Variants in NINJ2 observed in about 807,000 individuals in gnomAD.
The protein encoded by NINJ2 is ninjurin-2.
Under a neutral mutation model 11.7 loss-of-function variants are expected in NINJ2, and 12 were observed. That is an observed-to-expected ratio of 1.02 (90% confidence interval 0.66 to 1.66). The LOEUF is 1.66. Among genes scored for constraint, NINJ2 ranks in the 40% most tolerant of loss-of-function variants. The pLI is 0.00. For missense variants in NINJ2, 187 were observed against 181.8 expected, an observed-to-expected ratio of 1.03 and a Z score of -0.16; for synonymous variants, 93 against 76.8, an observed-to-expected ratio of 1.21 and a Z score of -1.10.
chr12:631,279 C>G (rs535554356), intron 1 of NINJ2, among the ~76,000 whole-genome samples: 2 of 152,190 alleles, frequency 1.3e-5, no homozygotes, highest in East Asian at 3.8e-4. Context: ...TCTAATGACC[C>G]CTGGGGTATG....
At chr12:635,596 G>T (rs1948341727) in intron 1 of NINJ2, among the ~76,000 whole-genome samples, 1 of 152,126 alleles carries the variant, frequency 6.6e-6, no homozygotes, top group Non-Finnish European at 1.5e-5. Context: ...ATGAACCAAA[G>T]ACCTAAACTT....
At chr12:645,142 T>C (rs546211919) in intron 1 of NINJ2, 1 of 152,342 alleles carries the variant, frequency 6.6e-6, no homozygotes, top group East Asian at 1.9e-4. Context: ...CTAAATTTAC[T>C]TAAGATCTGG....
chr12:620,474 A>G (rs1012173271), intron 1 of NINJ2, among the ~76,000 whole-genome samples: 16 of 152,270 alleles, frequency 1.1e-4, no homozygotes, highest in African/African-American at 3.4e-4. Flanking sequence ...TGTCAAATGC[A>G]CAGAGGTGCT....
intron 1 of NINJ2, among the ~76,000 whole-genome samples, chr12:641,689 C>CA (rs1215135765): frequency 6.6e-6 from 1 of 151,076 alleles, no homozygotes; most frequent in Non-Finnish European, 1.5e-5. Context: ...CTAAAAAATA[C>CA]AAAAAATGAG....
At chr12:620,902 T>C (rs1948146005) in intron 1 of NINJ2, among the ~76,000 whole-genome samples, 1 of 152,158 alleles carries the variant, frequency 6.6e-6, no homozygotes, top group Non-Finnish European at 1.5e-5. Context: ...AGTGCTGGGA[T>C]TACAGGCATG....
chr12:589,064 A>C (rs1947683349), intron 1 of NINJ2, among the ~76,000 whole-genome samples: 1 of 152,182 alleles, frequency 6.6e-6, no homozygotes, highest in Non-Finnish European at 1.5e-5. Flanking sequence ...CCCACAGAAA[A>C]TGCTCCCCAA....
intron 1 of NINJ2, among the ~76,000 whole-genome samples, chr12:577,430 CAT>C (rs1555161808): frequency 2.1e-5 from 2 of 93,996 alleles, no homozygotes; most frequent in South Asian, 2.9e-4. Context: ...TATATATATA[CAT>C]ATATATATAT....
At chr12:571,958 G>A (rs1947383161) in intron 1 of NINJ2, among the ~76,000 whole-genome samples, 1 of 152,206 alleles carries the variant, frequency 6.6e-6, no homozygotes, top group South Asian at 2.1e-4. Flanking sequence ...CCTGTGGCAG[G>A]CAGTGTGTGT....
intron 1 of NINJ2, among the ~76,000 whole-genome samples, chr12:611,302 CCTTT>C (rs765907390): frequency 1.1e-4 from 16 of 140,660 alleles, no homozygotes; most frequent in South Asian, 2.3e-4. Context: ...TTCCTTCCTT[CCTTT>C]CTTTCTCTCT....
chr12:585,867 A>T lies in NINJ2; in HGVS notation c.34-19689T>A, dbSNP rs1272487112. The T allele has an allele frequency of 1.3e-5, 2 of 152,086 alleles. No homozygotes were observed. Among genetic ancestry groups the T allele is most frequent in the Non-Finnish European group, 2.9e-5 (2 of 68,010 alleles). 9.4% of individuals were successfully genotyped at this position (152,086 alleles called of 1,614,324 possible). A position where few individuals can be genotyped will look rare whatever the true frequency, so the allele number is the denominator to read the frequency against. On this transcript the variant is annotated intron_variant, in intron 1 of 3. Coordinates refer to ENST00000305108, the MANE Select transcript of NINJ2 (RefSeq NM_016533.6). The surrounding 1 kb of genome is among the most constrained non-coding windows in gnomAD (Gnocchi z 4.1). ...TGGAAGAGCAGGAGCGCCTCCATCC[A>T]GGGGCGTGGAGGAGGCTCTGTGGAT...
intron 1 of NINJ2, among the ~76,000 whole-genome samples, chr12:639,186 T>C (rs192841627): frequency 1.3e-5 from 2 of 152,118 alleles, no homozygotes; most frequent in Non-Finnish European, 2.9e-5. Flanking sequence ...AGTAATTTCC[T>C]GTATTTTCCC....
chr12:576,766 A>C (rs1175277683), intron 1 of NINJ2, among the ~76,000 whole-genome samples: 2 of 152,196 alleles, frequency 1.3e-5, no homozygotes, highest in Non-Finnish European at 2.9e-5. Context: ...TTAATCGTGG[A>C]TTTACCTACC....
At chr12:627,974 T>C (rs1373639621) in intron 1 of NINJ2, among the ~76,000 whole-genome samples, 1 of 152,206 alleles carries the variant, frequency 6.6e-6, no homozygotes, top group African/African-American at 2.4e-5. Context: ...GGCCAAGTCC[T>C]TCCTGTCCTG....
intron 1 of NINJ2, among the ~76,000 whole-genome samples, chr12:590,278 C>T (rs2607926): frequency 0.74 from 112,607 of 151,880 alleles, 42,002 homozygotes; most frequent in Middle Eastern, 0.78. Flanking sequence ...GAGCCACGCG[C>T]GGGAGCCCTG....
chr12:589,841 G>A (rs1565626549), intron 1 of NINJ2, among the ~76,000 whole-genome samples: 2 of 151,796 alleles, frequency 1.3e-5, no homozygotes, highest in African/African-American at 4.8e-5. Flanking sequence ...GTAAATTTAG[G>A]GGGGGATTGT....
rs1374161917 is a variant in NINJ2 at position 565,256 on chromosome 12, C to T, written c.408G>A (p.Arg136=). The T allele has an allele frequency of 3.7e-6, 6 of 1,613,920 alleles. No individual in the cohort carries two copies. The highest frequency in any genetic ancestry group is 4.2e-6 in the Non-Finnish European group (5 of 1,179,874). ...GCATTCAGAGAGGATTCCTTGAGGC[C>T]CTGGCAGCCAGGAACCCTGTTTTAT... The part of the protein sequence containing the change: ...GAHKTGFLAA[R]ASRNPL The change falls in exon 3 of 4, where the codon AGG becomes AGA. Residue 136 remains arginine, a synonymous_variant. Coordinates refer to ENST00000305108, the MANE Select transcript of NINJ2 (RefSeq NM_016533.6).
intron 1 of NINJ2, among the ~76,000 whole-genome samples, chr12:659,002 A>G (rs1309616223): frequency 6.7e-6 from 1 of 149,864 alleles, no homozygotes; most frequent in African/African-American, 2.4e-5. Flanking sequence ...CTGCTATTAC[A>G]TATATAGTTG....
At chr12:650,437 C>T (rs917351827) in intron 1 of NINJ2, among the ~76,000 whole-genome samples, 2 of 152,210 alleles carry the variant, frequency 1.3e-5, no homozygotes, top group African/African-American at 4.8e-5. Context: ...CGGTGGCTCA[C>T]GCCTGTAATC....
chr12:603,387 A>T (rs1375932142), intron 1 of NINJ2, among the ~76,000 whole-genome samples: 1 of 152,162 alleles, frequency 6.6e-6, no homozygotes, highest in African/African-American at 2.4e-5. Flanking sequence ...CACTTCCTTG[A>T]TGGTGCCATT....
Sources: allele counts gnomAD v4.1 joint callset (sites outside exome capture counted in the v4.1 genomes callset), GRCh38; gene constraint gnomAD v4.1.1; non-coding constraint Gnocchi (gnomAD v3.1); transcripts MANE v1.5; gene names NCBI Gene and HGNC (gene_info 2026-07-23, HGNC 2026-07-21).